The following CDH4 variants were observed in gnomAD, a reference collection of about 807,000 sequenced individuals.
CDH4 encodes cadherin 4.
CDH4 carries 33 observed loss-of-function variants against 86.0 expected under a neutral mutation model. The observed-to-expected ratio is 0.38, with a 90% CI of 0.29 to 0.51. The LOEUF (loss-of-function observed/expected upper bound fraction) is 0.51, where lower values mean the gene tolerates loss of function less well. Among genes scored for constraint, CDH4 ranks in the 20% least tolerant of loss-of-function variants. The pLI, the probability that CDH4 is intolerant of heterozygous loss-of-function variation, is 0.86. For synonymous variants in CDH4, 555 were observed against 549.4 expected (o/e 1.01, Z -0.14); for missense variants, 1,114 against 1,307.4 (o/e 0.85, Z 2.28).
At chr20:61,765,551 T>C (rs2088688253) in intron 3 of CDH4, among the ~76,000 whole-genome samples, 2 of 152,022 alleles carry the variant, frequency 1.3e-5, no homozygotes, top group South Asian at 4.2e-4. Flanking sequence ...AGAGCAGCCT[T>C]AGGGCGTAAG....
rs145453427 is a variant in CDH4, at chr20:61,632,536, C to T, written c.170-111027C>T. ...CAAGGCTGCTGGAGGCATACCAGCC[C>T]GGCTTCCCCCTCCCGGGCTGGGTGG... On this transcript the variant is annotated intron_variant, in intron 2 of 15. Transcript: ENST00000614565. Among the ~76,000 whole-genome samples the T allele has an allele frequency of 1.8e-3, 273 of 152,168 alleles. 4 individuals are homozygous for T. The highest frequency in any genetic ancestry group is 6.1e-3 in the African/African-American group (254 of 41,514).
chr20:61,777,078 T>A (rs1046358563), intron 4 of CDH4, among the ~76,000 whole-genome samples: 3 of 152,250 alleles, frequency 2.0e-5, no homozygotes, highest in African/African-American at 7.2e-5. Flanking sequence ...CTTTACCCTC[T>A]GCCCTGCTTC....
intron 2 of CDH4, among the ~76,000 whole-genome samples, chr20:61,463,300 A>T (rs1199827885): frequency 6.6e-6 from 1 of 152,214 alleles, no homozygotes; most frequent in African/African-American, 2.4e-5. Flanking sequence ...GGGCAGGAGT[A>T]GGCAGGCAAA....
chr20:61,925,749 C>T (rs372690790), intron 11 of CDH4, among the ~76,000 whole-genome samples: 2 of 152,284 alleles, frequency 1.3e-5, no homozygotes, highest in South Asian at 4.1e-4. Flanking sequence ...GGGGGAGATC[C>T]GAGACCTGGG....
At chr20:61,524,338 T>C (rs2085894992) in intron 2 of CDH4, among the ~76,000 whole-genome samples, 1 of 152,196 alleles carries the variant, frequency 6.6e-6, no homozygotes, top group African/African-American at 2.4e-5. Flanking sequence ...GCAGAAAGCC[T>C]GGACACCTGC....
At chr20:61,408,149 C>T (rs2085094441) in intron 2 of CDH4, among the ~76,000 whole-genome samples, 1 of 152,156 alleles carries the variant, frequency 6.6e-6, no homozygotes, top group African/African-American at 2.4e-5. Context: ...TCCCCTGCCT[C>T]TCTCTTATAA....
chr20:61,455,603 G>A (rs963768296), intron 2 of CDH4, among the ~76,000 whole-genome samples: 3 of 152,224 alleles, frequency 2.0e-5, no homozygotes, highest in African/African-American at 4.8e-5. Flanking sequence ...ACTAGCCAGC[G>A]ACTAGCCAGC....
At chr20:61,263,653 T>C (rs756065214) in intron 2 of CDH4, among the ~76,000 whole-genome samples, 3 of 152,218 alleles carry the variant, frequency 2.0e-5, no homozygotes, top group Non-Finnish European at 4.4e-5. Context: ...ATTTTCTTAT[T>C]GCAGTATAAA....
chr20:61,621,177 C>T (rs190141706), intron 2 of CDH4, among the ~76,000 whole-genome samples: 4 of 152,318 alleles, frequency 2.6e-5, no homozygotes, highest in East Asian at 1.9e-4. Context: ...GACCATCAGG[C>T]GGAGTGTGCA....
chr20:61,847,131 A>G (rs546806241), intron 5 of CDH4, among the ~76,000 whole-genome samples: 3 of 152,282 alleles, frequency 2.0e-5, no homozygotes, highest in South Asian at 4.1e-4. Context: ...ATCATCCCCA[A>G]TGAGCTGTTT....
chr20:61,456,250 C>T (rs1029827407), intron 2 of CDH4, among the ~76,000 whole-genome samples: 1 of 152,196 alleles, frequency 6.6e-6, no homozygotes, highest in Non-Finnish European at 1.5e-5. Context: ...ACCCTTCAGG[C>T]ACAATGGGCC....
chr20:61,755,648 G>A (rs554015393), intron 3 of CDH4, among the ~76,000 whole-genome samples: 4 of 145,882 alleles, frequency 2.7e-5, no homozygotes, highest in Non-Finnish European at 4.5e-5. Flanking sequence ...CCACACACAC[G>A]GAGCATGTCA....
chr20:61,363,022 C>G (rs2084792865), intron 2 of CDH4, among the ~76,000 whole-genome samples: 1 of 152,168 alleles, frequency 6.6e-6, no homozygotes, highest in Non-Finnish European at 1.5e-5. Flanking sequence ...TGGCTCTGGA[C>G]TCTGGGGTTC....
intron 4 of CDH4, among the ~76,000 whole-genome samples, chr20:61,841,627 T>G (rs2146097362): frequency 6.6e-6 from 1 of 152,090 alleles, no homozygotes; most frequent in East Asian, 1.9e-4. Context: ...AAGTTCTGCT[T>G]GGTGTGTGCG....
intron 4 of CDH4, among the ~76,000 whole-genome samples, chr20:61,794,468 C>T (rs1600995230): frequency 6.6e-6 from 1 of 152,320 alleles, no homozygotes; most frequent in Non-Finnish European, 1.5e-5. Context: ...GGAGGCTGTT[C>T]CCAAGGACAT....
intron 2 of CDH4, among the ~76,000 whole-genome samples, chr20:61,594,135 G>A (rs1195833836): frequency 1.2e-5 from 1 of 86,662 alleles, no homozygotes; most frequent in Non-Finnish European, 2.4e-5. Flanking sequence ...GGGAGGGGGA[G>A]GTGAGCTGGG....
intron 2 of CDH4, among the ~76,000 whole-genome samples, chr20:61,287,035 AC>A (rs1452628988): frequency 1.3e-5 from 2 of 152,194 alleles, no homozygotes; most frequent in Non-Finnish European, 2.9e-5. Context: ...GCTGTGCAGA[AC>A]AGTCAATGGC....
intron 2 of CDH4, among the ~76,000 whole-genome samples, chr20:61,320,686 GC>G (rs540597297): frequency 9.7e-4 from 148 of 152,060 alleles, no homozygotes; most frequent in Admixed American, 2.2e-3. Flanking sequence ...GAACCCTTCA[GC>G]CCCAGGTGTC....
chr20:61,537,918 G>A (rs547259559), intron 2 of CDH4, among the ~76,000 whole-genome samples: 106 of 152,292 alleles, frequency 7.0e-4, no homozygotes, highest in Non-Finnish European at 1.3e-3. Flanking sequence ...GTTCCTCTCC[G>A]CAGTGTCTGC....
Sources: allele counts gnomAD v4.1 joint callset (sites outside exome capture counted in the v4.1 genomes callset), GRCh38; gene constraint gnomAD v4.1.1; transcripts MANE v1.5; gene names NCBI Gene and HGNC (gene_info 2026-07-23, HGNC 2026-07-21).